The following FTO variants were observed in gnomAD, a reference collection of about 807,000 sequenced individuals.
FTO encodes FTO alpha-ketoglutarate dependent dioxygenase.
In FTO, 47 loss-of-function variants were observed where a neutral mutation model predicts 63.9. That is an observed-to-expected ratio of 0.74 (90% CI 0.58 to 0.94). The LOEUF is 0.94. FTO is among the 40% of genes least tolerant of loss of function. FTO has a pLI of 0.00. For missense variants in FTO, 562 were observed against 618.1 expected (o/e 0.91, Z 0.96); for synonymous variants, 207 against 224.4 (o/e 0.92, Z 0.69).
At chr16:54,030,434 A>C (rs189554293) in intron 8 of FTO, among the ~76,000 whole-genome samples, 3 of 152,340 alleles carry the variant, frequency 2.0e-5, no homozygotes, top group Admixed American at 2.0e-4. Context: ...GGCAGCCCTT[A>C]TAGCTATATG....
chr16:53,934,878 G>A (rs983170328), intron 8 of FTO, among the ~76,000 whole-genome samples: 6 of 152,144 alleles, frequency 3.9e-5, no homozygotes, highest in Non-Finnish European at 7.4e-5. Context: ...TTATCAACCC[G>A]ATTTTTAGGG....
At chr16:53,863,315 C>T (rs1873621129) in intron 4 of FTO, among the ~76,000 whole-genome samples, 1 of 152,318 alleles carries the variant, frequency 6.6e-6, no homozygotes, top group East Asian at 1.9e-4. Context: ...GCCTCTTTAT[C>T]CTCATAGAAA....
intron 8 of FTO, among the ~76,000 whole-genome samples, chr16:53,954,599 A>C (rs7201444): frequency 0.12 from 17,645 of 152,154 alleles, 3,400 homozygotes; most frequent in African/African-American, 0.4. Context: ...GGATGCATTC[A>C]GGAAGGGTGC....
intron 3 of FTO, 96 bp downstream of exon 3, chr16:53,826,587 T>TCA: frequency 8.3e-7 from 1 of 1,202,008 alleles, no homozygotes. Flanking sequence ...ATGAACATGT[T>TCA]TGCATGTGTG....
chr16:53,811,884 T>A (rs1169016489), intron 2 of FTO, among the ~76,000 whole-genome samples: 1 of 152,084 alleles, frequency 6.6e-6, no homozygotes, highest in Non-Finnish European at 1.5e-5. Context: ...GTAATCTGGA[T>A]TCACTGCAAC....
chr16:54,006,381 T>C (rs1432404635), intron 8 of FTO, among the ~76,000 whole-genome samples: 19 of 152,216 alleles, frequency 1.2e-4, no homozygotes, highest in Admixed American at 1.2e-3. Flanking sequence ...TAGAGTTCCT[T>C]TTCGGATGGT....
At chr16:53,707,589 T>C (rs1292024021) in intron 1 of FTO, among the ~76,000 whole-genome samples, 1 of 152,220 alleles carries the variant, frequency 6.6e-6, no homozygotes, top group African/African-American at 2.4e-5. Flanking sequence ...TCTACTTGTT[T>C]CATATCTTTT....
Position 53,870,694 on chromosome 16 carries a change from T to C in FTO, c.896-3092T>C, listed in dbSNP as rs184095819. On this transcript the variant is annotated intron_variant, in intron 4 of 8. Coordinates refer to ENST00000471389, the MANE Select transcript of FTO (RefSeq NM_001080432.3). ...ATGTGTTTTACGTCTGCATATGTTA[T>C]AAACCTCAGAATACATTGTTATTAT... is the stretch of plus-strand genomic sequence containing the variant. Among the ~76,000 whole-genome samples the C allele has an allele frequency of 8.0e-4, 122 of 152,358 alleles. 1 individual carries two copies. Among genetic ancestry groups the C allele is most frequent in the African/African-American group, 2.6e-3 (108 of 41,596 alleles).
intron 6 of FTO, among the ~76,000 whole-genome samples, chr16:53,881,841 T>C (rs1432465470): frequency 2.0e-5 from 3 of 152,218 alleles, no homozygotes; most frequent in South Asian, 2.1e-4. Context: ...CCAGTATCAT[T>C]AGCCAAAAGA....
chr16:54,073,281 G>C lies in FTO; in HGVS notation c.1365-38481G>C, dbSNP rs190294386. On this transcript the variant is annotated intron_variant, in intron 8 of 8. Transcript: ENST00000471389. The stretch of plus-strand genomic sequence containing the variant: ...AGGAAAGAGAAAATATAGAAGTGAG[G>C]GTACCAGGCAGGAGGCAGATTAAGT... Among the ~76,000 whole-genome samples, 6 of 152,154 alleles carry C rather than the reference G, an allele frequency of 3.9e-5. No individual in the cohort carries two copies. The East Asian group carries it at 1.2e-3, about 29-fold the overall frequency.
At chr16:53,808,312 G>C (rs950790336) in intron 1 of FTO, among the ~76,000 whole-genome samples, 2 of 151,580 alleles carry the variant, frequency 1.3e-5, no homozygotes, top group Non-Finnish European at 2.9e-5. Flanking sequence ...TCAGCCTGTG[G>C]GACAGAATGA....
intron 1 of FTO, among the ~76,000 whole-genome samples, chr16:53,716,277 C>A (rs1397432058): frequency 1.3e-5 from 2 of 152,164 alleles, no homozygotes; most frequent in African/African-American, 4.8e-5. Context: ...ATGATCACAT[C>A]TTTGGATATG....
intron 7 of FTO, among the ~76,000 whole-genome samples, chr16:53,907,172 C>A (rs2151936389): frequency 6.6e-6 from 1 of 152,238 alleles, no homozygotes; most frequent in South Asian, 2.1e-4. Flanking sequence ...TCCTGATATA[C>A]CCATTGAAAG....
chr16:53,712,945 G>GTTTT (rs111905901), intron 1 of FTO, among the ~76,000 whole-genome samples: 3 of 137,040 alleles, frequency 2.2e-5, no homozygotes, highest in African/African-American at 8.0e-5. Flanking sequence ...TAGAGATCAT[G>GTTTT]TTTTTTTTTT....
intron 4 of FTO, among the ~76,000 whole-genome samples, chr16:53,869,498 C>T (rs148072937): frequency 2.0e-5 from 3 of 149,996 alleles, no homozygotes; most frequent in African/African-American, 4.9e-5. Context: ...TCTGTTATTC[C>T]ATTATACATA....
At chr16:53,739,286 A>G (rs528415529) in intron 1 of FTO, among the ~76,000 whole-genome samples, 12 of 152,062 alleles carry the variant, frequency 7.9e-5, no homozygotes, top group Non-Finnish European at 1.0e-4. Flanking sequence ...GCTCACTGCA[A>G]GCTCTGCCTC....
chr16:53,938,390 G>A (rs2082442132), intron 8 of FTO, among the ~76,000 whole-genome samples: 1 of 152,188 alleles, frequency 6.6e-6, no homozygotes, highest in Non-Finnish European at 1.5e-5. Flanking sequence ...TAATTGATAA[G>A]ATTAGTCTAT....
chr16:54,017,037 C>A (rs552508107), intron 8 of FTO, among the ~76,000 whole-genome samples: 1 of 152,240 alleles, frequency 6.6e-6, no homozygotes, highest in East Asian at 1.9e-4. Context: ...CAAGGGTAAT[C>A]CTTTCAGGGA....
chr16:53,742,067 T>C (rs996630018), intron 1 of FTO, among the ~76,000 whole-genome samples: 4 of 152,150 alleles, frequency 2.6e-5, no homozygotes, highest in Admixed American at 6.5e-5. Flanking sequence ...TACAGACTTT[T>C]TGTAACCTAC....
Sources: allele counts gnomAD v4.1 joint callset (sites outside exome capture counted in the v4.1 genomes callset), GRCh38; gene constraint gnomAD v4.1.1; transcripts MANE v1.5; gene names NCBI Gene and HGNC (gene_info 2026-07-23, HGNC 2026-07-21).